The following STAP1 variants were observed in gnomAD, a reference collection of about 807,000 sequenced individuals.
STAP1 encodes signal transducing adaptor family member 1, also known as signal-transducing adaptor protein 1.
STAP1 carries 30 observed loss-of-function variants against 37.8 expected under a neutral mutation model. The observed-to-expected ratio is 0.79, with a 90% CI of 0.59 to 1.08. The LOEUF (loss-of-function observed/expected upper bound fraction) is 1.08, where lower values mean the gene tolerates loss of function less well. STAP1 is among the 50% of genes least tolerant of loss of function. The pLI, the probability that STAP1 is intolerant of heterozygous loss-of-function variation, is 0.00. For missense variants in STAP1, 357 were observed against 349.4 expected, an observed-to-expected ratio of 1.02 and a Z score of -0.17; for synonymous variants, 130 against 116.0, an observed-to-expected ratio of 1.12 and a Z score of -0.78.
intron 1 of STAP1, among the ~76,000 whole-genome samples, chr4:67,562,661 A>G (rs1216821371): frequency 2.0e-5 from 3 of 151,248 alleles, no homozygotes; most frequent in African/African-American, 7.3e-5. Flanking sequence ...AGTCCCAACT[A>G]CTCAGGAGGC....
chr4:67,590,911 G>T lies in STAP1; in HGVS notation c.687G>T (p.Val229=), dbSNP rs184619620. 1.2e-6 allele frequency: 2 copies of T among 1,612,866 alleles called. No individual in the cohort carries two copies. The highest frequency in any genetic ancestry group is 1.7e-5 in the Admixed American group (1 of 59,848). Residue 229 remains valine, a synonymous_variant, in exon 7 of 9, where the codon GTG becomes GTT. Transcript: ENST00000265404. ...IDIPRIKHYK[V]MSVGQNYTIE... ...TTCCAAGAATCAAGCACTACAAAGT[G>T]ATGAGCGTAGGACAAAACTACACTA... is the stretch of plus-strand genomic sequence containing the variant.
At chr4:67,596,170 G>A (rs576739553) in intron 8 of STAP1, among the ~76,000 whole-genome samples, 2 of 152,104 alleles carry the variant, frequency 1.3e-5, no homozygotes, top group Admixed American at 6.5e-5. Context: ...GCCCCATGCT[G>A]TTCTCCTGAT....
At chr4:67,568,732 A>G (rs923200140) in intron 1 of STAP1, among the ~76,000 whole-genome samples, 1 of 152,190 alleles carries the variant, frequency 6.6e-6, no homozygotes, top group Non-Finnish European at 1.5e-5. Context: ...TGTCAATAAT[A>G]TATACTATTT....
chr4:67,576,488 A>G (rs951476923), intron 3 of STAP1, among the ~76,000 whole-genome samples: 1 of 152,182 alleles, frequency 6.6e-6, no homozygotes, highest in African/African-American at 2.4e-5. Context: ...AAATAATAAG[A>G]CCTTTTGCCA....
At chr4:67,567,701 T>A (rs1454559174) in intron 1 of STAP1, among the ~76,000 whole-genome samples, 1 of 152,218 alleles carries the variant, frequency 6.6e-6, no homozygotes, top group Non-Finnish European at 1.5e-5. Context: ...TGCTCTCTCT[T>A]GTTCCTGGTA....
At chr4:67,582,081 G>C (rs1207234770) in intron 5 of STAP1, among the ~76,000 whole-genome samples, 1 of 151,942 alleles carries the variant, frequency 6.6e-6, no homozygotes, top group Non-Finnish European at 1.5e-5. Context: ...TTGACATCAG[G>C]TTCTGTTGCA....
intron 6 of STAP1, among the ~76,000 whole-genome samples, chr4:67,590,089 GC>G (rs1357348998): frequency 1.3e-5 from 2 of 152,032 alleles, no homozygotes; most frequent in African/African-American, 2.4e-5. Flanking sequence ...ACAGGCCTGA[GC>G]CATCCCACTC....
intron 1 of STAP1, among the ~76,000 whole-genome samples, chr4:67,564,714 A>C (rs1043485197): frequency 3.3e-5 from 5 of 152,110 alleles, no homozygotes; most frequent in African/African-American, 7.2e-5. Flanking sequence ...GGAGTTCGAG[A>C]CCAGCCTGGC....
At chr4:67,576,833 T>C (rs935724070) in intron 3 of STAP1, among the ~76,000 whole-genome samples, 10 of 152,238 alleles carry the variant, frequency 6.6e-5, no homozygotes, top group African/African-American at 2.2e-4. Flanking sequence ...TACTAGTATT[T>C]ACAGCTAAGA....
intron 1 of STAP1, among the ~76,000 whole-genome samples, chr4:67,564,454 A>G (rs562186789): frequency 3.3e-5 from 5 of 152,332 alleles, no homozygotes; most frequent in African/African-American, 1.2e-4. Flanking sequence ...TACAGAGGGA[A>G]TTCAATAAAC....
chr4:67,602,773 G>A (rs1283921514), intron 8 of STAP1, among the ~76,000 whole-genome samples: 1 of 150,746 alleles, frequency 6.6e-6, no homozygotes, highest in African/African-American at 2.4e-5. Flanking sequence ...CTGGGGGAGG[G>A]GTGGACATAA....
At position 67,598,686 on chromosome 4, in the gene STAP1, T is replaced by C. The variant is rs570893818; in HGVS notation, c.826+5330T>C. 2.2e-4 allele frequency among the ~76,000 whole-genome samples: 34 copies of C among 152,252 alleles called. 1 individual carries two copies. The highest frequency in any genetic ancestry group is 3.4e-4 in the Non-Finnish European group (23 of 68,048). Reference sequence around the variant, plus strand: ...TATACATCTGGTTATTAATTCCTTGTCAGATGTGTAGTTTGCAAATATTTT... The same window carrying C: ...TATACATCTGGTTATTAATTCCTTGCCAGATGTGTAGTTTGCAAATATTTT... On this transcript the variant is annotated intron_variant, in intron 8 of 8. Transcript: ENST00000265404.
chr4:67,606,049 G>A (rs755789333), intron 8 of STAP1, among the ~76,000 whole-genome samples: 7 of 151,980 alleles, frequency 4.6e-5, no homozygotes, highest in Non-Finnish European at 1.0e-4. Flanking sequence ...ACTAAAAGCC[G>A]CTTCAAAATA....
chr4:67,566,312 A>T (rs768485985), intron 1 of STAP1, among the ~76,000 whole-genome samples: 10 of 152,096 alleles, frequency 6.6e-5, no homozygotes, highest in African/African-American at 9.7e-5. Context: ...CCCAAGTTTG[A>T]AACCAGCCAG....
intron 1 of STAP1, among the ~76,000 whole-genome samples, chr4:67,570,094 T>C (rs1727567099): frequency 6.6e-6 from 1 of 152,140 alleles, no homozygotes; most frequent in African/African-American, 2.4e-5. Context: ...AGCAATGCCC[T>C]CTTTAGAAAT....
chr4:67,605,855 G>T (rs1728438476), intron 8 of STAP1, among the ~76,000 whole-genome samples: 1 of 152,112 alleles, frequency 6.6e-6, no homozygotes, highest in African/African-American at 2.4e-5. Flanking sequence ...GCAGGTAAGG[G>T]TTCCAATCTG....
At chr4:67,577,654 T>C (rs78896858) in intron 4 of STAP1, among the ~76,000 whole-genome samples, 43,187 of 143,242 alleles carry the variant, frequency 0.3, 6,602 homozygotes, top group African/African-American at 0.38. Context: ...TTTCTTTCTT[T>C]TTTTTTTTTT....
intron 8 of STAP1, among the ~76,000 whole-genome samples, chr4:67,600,496 T>G (rs890530857): frequency 6.6e-6 from 1 of 152,282 alleles, no homozygotes; most frequent in East Asian, 1.9e-4. Context: ...GAATGAAATG[T>G]TCTGTAAATT....
At chr4:67,589,824 A>T (rs1397200823) in intron 6 of STAP1, among the ~76,000 whole-genome samples, 5 of 146,166 alleles carry the variant, frequency 3.4e-5, no homozygotes, top group Non-Finnish European at 7.6e-5. Flanking sequence ...TTTTTTTTTG[A>T]GACAGGGTCT....
Sources: gnomAD v4.1 joint callset for allele counts (sites outside exome capture counted in the v4.1 genomes callset) on GRCh38, gnomAD v4.1.1 for gene constraint, MANE v1.5 for transcripts, NCBI Gene and HGNC (gene_info 2026-07-23, HGNC 2026-07-21) for gene names.